ANO3: variants seen among roughly 807,000 people sequenced by gnomAD.
The protein encoded by ANO3 is anoctamin-3.
Under a neutral mutation model 144.8 loss-of-function variants are expected in ANO3, and 99 were observed. That is an observed-to-expected ratio of 0.68 (90% CI 0.58 to 0.81). The LOEUF (loss-of-function observed/expected upper bound fraction) is 0.81, where lower values mean the gene tolerates loss of function less well. Ranked by LOEUF, ANO3 falls within the 30% of genes least tolerant of loss-of-function variation. The probability of loss-of-function intolerance (pLI) is 0.00; values close to 1 mark genes in which losing one functional copy is unlikely to be tolerated. For synonymous variants in ANO3, 414 were observed against 392.6 expected (o/e 1.05, Z -0.64); for missense variants, 905 against 1,202.2 (o/e 0.75, Z 3.66).
intron 20 of ANO3, among the ~76,000 whole-genome samples, chr11:26,637,163 A>T (rs1419476349): frequency 6.6e-6 from 1 of 152,204 alleles, no homozygotes; most frequent in East Asian, 1.9e-4. Context: ...CACAAAAACT[A>T]TTGGACCCCC....
chr11:26,225,426 C>T (rs1301717683), intron 1 of ANO3, among the ~76,000 whole-genome samples: 5 of 152,012 alleles, frequency 3.3e-5, no homozygotes, highest in African/African-American at 7.2e-5. Flanking sequence ...AGAAAAATAA[C>T]GTTATTTTTG....
chr11:26,535,183 A>G (rs920656052), intron 9 of ANO3, among the ~76,000 whole-genome samples: 3 of 152,228 alleles, frequency 2.0e-5, no homozygotes, highest in Admixed American at 6.5e-5. Context: ...CAAAAACTCT[A>G]GAAGAATATG....
intron 1 of ANO3, among the ~76,000 whole-genome samples, chr11:26,275,989 G>T (rs1853550520): frequency 6.6e-6 from 1 of 152,050 alleles, no homozygotes. Context: ...CACTGGTTTG[G>T]GGAAGATTAA....
intron 1 of ANO3, among the ~76,000 whole-genome samples, chr11:26,259,962 A>T (rs552097859): frequency 6.6e-5 from 10 of 151,518 alleles, no homozygotes; most frequent in African/African-American, 1.9e-4. Context: ...CAGTAAAAGG[A>T]CCTCACCCTA....
At chr11:26,301,520 A>C (rs369566787) in intron 1 of ANO3, among the ~76,000 whole-genome samples, 27 of 152,192 alleles carry the variant, frequency 1.8e-4, no homozygotes, top group African/African-American at 6.3e-4. Flanking sequence ...GCAGCTACAC[A>C]TAATTCAAGT....
At chr11:26,289,773 A>G (rs1239391866) in intron 1 of ANO3, among the ~76,000 whole-genome samples, 1 of 143,382 alleles carries the variant, frequency 7.0e-6, no homozygotes, top group Admixed American at 6.9e-5. Flanking sequence ...ATATGTATAC[A>G]TATGTATAAT....
At chr11:26,413,515 C>A (rs1857488658) in intron 1 of ANO3, among the ~76,000 whole-genome samples, 1 of 151,800 alleles carries the variant, frequency 6.6e-6, no homozygotes, top group South Asian at 2.1e-4. Context: ...TTATTTCAAC[C>A]CATATGTAGA....
At chr11:26,647,168 G>T (rs1394392232) in intron 23 of ANO3, among the ~76,000 whole-genome samples, 2 of 152,028 alleles carry the variant, frequency 1.3e-5, no homozygotes, top group Non-Finnish European at 2.9e-5. Flanking sequence ...AAAGTTTTTT[G>T]TGTGTATGTA....
chr11:26,620,570 C>G (rs550199423), intron 17 of ANO3, among the ~76,000 whole-genome samples: 1 of 152,086 alleles, frequency 6.6e-6, no homozygotes, highest in African/African-American at 2.4e-5. Flanking sequence ...GTTTCCTCCT[C>G]TGATTTTAAA....
At chr11:26,442,248 T>C in intron 2 of ANO3, 136 bp downstream of exon 2, 1 of 804,970 alleles carries the variant, frequency 1.2e-6, no homozygotes, top group Non-Finnish European at 1.9e-6. Flanking sequence ...AGGAGACCAG[T>C]ACACCATGCC....
chr11:26,354,782 A>G (rs1290027714), intron 1 of ANO3, among the ~76,000 whole-genome samples: 1 of 152,044 alleles, frequency 6.6e-6, no homozygotes, highest in Non-Finnish European at 1.5e-5. Flanking sequence ...TTGTTTAGTC[A>G]ATGTTTATAT....
At chr11:26,642,985 G>T (rs944167255) in intron 22 of ANO3, among the ~76,000 whole-genome samples, 197 bp from the exon 23 acceptor site, 1 of 152,022 alleles carries the variant, frequency 6.6e-6, no homozygotes, top group Admixed American at 6.6e-5. Flanking sequence ...TTGAATAAAG[G>T]TTTCAACATT....
chr11:26,345,811 A>G (rs1310217961), intron 1 of ANO3, among the ~76,000 whole-genome samples: 1 of 152,226 alleles, frequency 6.6e-6, no homozygotes, highest in African/African-American at 2.4e-5. Flanking sequence ...GATGTGCATT[A>G]ACTTATGTAA....
At chr11:26,396,159 A>G (rs1857008468) in intron 1 of ANO3, among the ~76,000 whole-genome samples, 1 of 152,334 alleles carries the variant, frequency 6.6e-6, no homozygotes, top group Admixed American at 6.5e-5. Context: ...AAAAGAAGAC[A>G]TTTATGCAGC....
intron 1 of ANO3, among the ~76,000 whole-genome samples, chr11:26,407,878 C>G (rs1370206734): frequency 2.6e-5 from 4 of 151,870 alleles, no homozygotes; most frequent in Non-Finnish European, 5.9e-5. Context: ...AAACTTTTCT[C>G]TCACATACAG....
At chr11:26,461,804 G>A (rs890982859) in intron 3 of ANO3, among the ~76,000 whole-genome samples, 1 of 151,924 alleles carries the variant, frequency 6.6e-6, no homozygotes, top group Non-Finnish European at 1.5e-5. Context: ...ATTAAATGTA[G>A]GAAGAAATTA....
intron 1 of ANO3, among the ~76,000 whole-genome samples, chr11:26,406,361 G>A (rs924471451): frequency 1.3e-5 from 2 of 151,786 alleles, no homozygotes; most frequent in Non-Finnish European, 2.9e-5. Context: ...TAATACTGGT[G>A]CCTTGGAGAT....
At chr11:26,417,207 A>C (rs7127969) in intron 1 of ANO3, among the ~76,000 whole-genome samples, 3,636 of 152,194 alleles carry the variant, frequency 0.024, 61 homozygotes, top group Middle Eastern at 0.048. Context: ...AAATAAGTAA[A>C]TGGTACTACA....
intron 18 of ANO3, among the ~76,000 whole-genome samples, chr11:26,632,707 C>G (rs1852826775): frequency 6.6e-6 from 1 of 151,688 alleles, no homozygotes; most frequent in Non-Finnish European, 1.5e-5. Flanking sequence ...AAAACTTATC[C>G]ACACAATTTA....
Sources: allele counts gnomAD v4.1 joint callset (sites outside exome capture counted in the v4.1 genomes callset), GRCh38; gene constraint gnomAD v4.1.1; transcripts MANE v1.5; gene names NCBI Gene and HGNC (gene_info 2026-07-23, HGNC 2026-07-21).